The following ROBO2 variants were observed in gnomAD, a reference collection of about 807,000 sequenced individuals.
The protein encoded by ROBO2 is roundabout homolog 2.
ROBO2 carries 53 observed loss-of-function variants against 160.8 expected under a neutral mutation model. The ratio of observed to expected loss-of-function variants is 0.33; its 90% CI spans 0.26 to 0.41. The LOEUF (loss-of-function observed/expected upper bound fraction) is 0.41. Among genes scored for constraint, ROBO2 ranks in the 10% least tolerant of loss-of-function variants. The pLI is 1.00. For missense variants in ROBO2, 1,577 were observed against 1,722.4 expected, an observed-to-expected ratio of 0.92 and a Z score of 1.49; for synonymous variants, 664 against 611.7, an observed-to-expected ratio of 1.09 and a Z score of -1.26.
At chr3:76,461,980 C>G (rs528431564) in intron 2 of ROBO2, among the ~76,000 whole-genome samples, 1 of 152,056 alleles carries the variant, frequency 6.6e-6, no homozygotes, top group Admixed American at 6.6e-5. Flanking sequence ...TTTTTCAGTT[C>G]TTTATCTAAT....
At chr3:76,413,928 T>C (rs2108858681) in intron 2 of ROBO2, among the ~76,000 whole-genome samples, 1 of 102,388 alleles carries the variant, frequency 9.8e-6, no homozygotes, top group African/African-American at 4.5e-5. Flanking sequence ...TACCCAAGAC[T>C]GGGAGGAAAA....
chr3:77,429,092 C>CA (rs1181062678), intron 2 of ROBO2, among the ~76,000 whole-genome samples: 2 of 151,996 alleles, frequency 1.3e-5, no homozygotes, highest in Admixed American at 1.3e-4. Flanking sequence ...AGAAACATGA[C>CA]AAAAAAGAGC....
At chr3:76,307,784 A>G (rs1392420528) in intron 2 of ROBO2, among the ~76,000 whole-genome samples, 6 of 152,182 alleles carry the variant, frequency 3.9e-5, no homozygotes, top group African/African-American at 1.2e-4. Flanking sequence ...GAGTATGAAT[A>G]ATAAATGACT....
In ROBO2 at chr3:76,854,277, A is replaced by G. The variant is rs2069798610; in HGVS notation, c.110-243737A>G. ...ACCTGCTCCCTATTAATAGAAATTT[A>G]AATTGCTTTCAGTAATGTGCTGTTA... On this transcript the variant is annotated intron_variant, in intron 2 of 26. Coordinates refer to the ROBO2 transcript ENST00000487694. Among the ~76,000 whole-genome samples, 3 of 152,142 alleles carry G rather than the reference A, an allele frequency of 2.0e-5. No homozygotes were observed. In the South Asian group the frequency reaches 6.2e-4, roughly 31 times the overall value.
At position 76,680,143 on chromosome 3, in the gene ROBO2, C is replaced by T. The variant is rs149995499; in HGVS notation, c.110-417871C>T. Among the ~76,000 whole-genome samples the T allele has an allele frequency of 8.9e-3, 1,354 of 152,138 alleles. 26 individuals are homozygous for T. The highest frequency in any genetic ancestry group is 0.046 in the South Asian group (220 of 4,822). On this transcript the variant is annotated intron_variant, in intron 2 of 26. Coordinates refer to the ROBO2 transcript ENST00000487694. ...GGCACCTAAAACCTCAAATTCTTTA[C>T]GTGAAACAAATCTATTGGACTTGAA...
At chr3:76,150,389 T>C (rs71315344) in intron 2 of ROBO2, among the ~76,000 whole-genome samples, 8 of 4,120 alleles carry the variant, frequency 1.9e-3, no homozygotes, top group South Asian at 0.02. Context: ...GCACACCTTT[T>C]TAAAACACAC....
chr3:77,393,222 G>A (rs1164451720), intron 2 of ROBO2, among the ~76,000 whole-genome samples: 1 of 152,122 alleles, frequency 6.6e-6, no homozygotes, highest in Non-Finnish European at 1.5e-5. Context: ...ATTGAATAAT[G>A]TATCAATTTC....
intron 2 of ROBO2, among the ~76,000 whole-genome samples, chr3:76,868,205 C>G (rs1256002736): frequency 1.3e-5 from 2 of 152,106 alleles, no homozygotes; most frequent in Non-Finnish European, 2.9e-5. Context: ...AGCAACCTCC[C>G]TAATTTCTGA....
chr3:77,383,966 T>C (rs1051869857), intron 2 of ROBO2, among the ~76,000 whole-genome samples: 12 of 152,278 alleles, frequency 7.9e-5, no homozygotes, highest in African/African-American at 2.9e-4. Context: ...CTTAACTAAA[T>C]GAGTTCTATC....
intron 1 of ROBO2, among the ~76,000 whole-genome samples, chr3:75,927,402 A>G (rs1381461227): frequency 6.6e-6 from 1 of 152,162 alleles, no homozygotes; most frequent in Non-Finnish European, 1.5e-5. Context: ...AATCAATATG[A>G]ATGGAACCTT....
intron 2 of ROBO2, among the ~76,000 whole-genome samples, chr3:76,677,361 G>A (rs12631879): frequency 0.039 from 5,891 of 152,216 alleles, 184 homozygotes; most frequent in East Asian, 0.064. Context: ...CAACCCAGGT[G>A]CACAAGAGAA....
intron 2 of ROBO2, among the ~76,000 whole-genome samples, chr3:75,979,454 A>G (rs2065219945): frequency 6.6e-6 from 1 of 151,502 alleles, no homozygotes; most frequent in Admixed American, 6.6e-5. Context: ...GTTGAAACCC[A>G]CAAGAATGGA....
intron 2 of ROBO2, among the ~76,000 whole-genome samples, chr3:76,848,535 GT>G (rs1447202039): frequency 6.6e-6 from 1 of 152,134 alleles, no homozygotes; most frequent in Non-Finnish European, 1.5e-5. Flanking sequence ...ATCTTAGTCT[GT>G]TTAAGCTGCC....
chr3:77,413,094 C>A (rs2076935013), intron 2 of ROBO2, among the ~76,000 whole-genome samples: 1 of 151,888 alleles, frequency 6.6e-6, no homozygotes, highest in African/African-American at 2.4e-5. Context: ...GCTTTGGGAC[C>A]AGTACTCTTT....
chr3:76,404,674 T>C (rs538439784), intron 2 of ROBO2, among the ~76,000 whole-genome samples: 7 of 151,512 alleles, frequency 4.6e-5, no homozygotes, highest in Admixed American at 1.3e-4. Context: ...AGACTCGAAG[T>C]TGCTTAGAGG....
chr3:76,294,376 G>C (rs1170766440), intron 2 of ROBO2, among the ~76,000 whole-genome samples: 1 of 152,094 alleles, frequency 6.6e-6, no homozygotes, highest in Non-Finnish European at 1.5e-5. Context: ...ACGCCTCCCC[G>C]ACTGCCATCA....
chr3:77,094,453 T>C (rs563499734), intron 1 of ROBO2, among the ~76,000 whole-genome samples: 23 of 152,338 alleles, frequency 1.5e-4, no homozygotes, highest in Admixed American at 6.5e-4. Flanking sequence ...ATTTGGGTTG[T>C]TTCTACTTTT....
chr3:76,738,679 G>A (rs1162171620), intron 2 of ROBO2, among the ~76,000 whole-genome samples: 1 of 152,294 alleles, frequency 6.6e-6, no homozygotes, highest in Middle Eastern at 3.4e-3. Context: ...GTTTAAATTG[G>A]AGTGCTGGCA....
Position 76,110,065 on chromosome 3 carries a change from A to G in ROBO2, c.109+172463A>G, listed in dbSNP as rs1008551290. On this transcript the variant is annotated intron_variant, in intron 2 of 26. Coordinates refer to the ROBO2 transcript ENST00000487694. ...TATATATATATATGAATGAATATAT[A>G]TATATATAAAAGCTTCTCATTCCAT... Among the ~76,000 whole-genome samples, 5 of 151,208 alleles carry G rather than the reference A, an allele frequency of 3.3e-5. No homozygotes were observed. The Admixed American group carries it at 3.3e-4, about 10-fold the overall frequency.
Sources: gnomAD v4.1 joint callset for allele counts (sites outside exome capture counted in the v4.1 genomes callset) on GRCh38, gnomAD v4.1.1 for gene constraint, MANE v1.5 for transcripts, NCBI Gene and HGNC (gene_info 2026-07-23, HGNC 2026-07-21) for gene names.